Variants in NIN observed in about 807,000 individuals in gnomAD.
NIN encodes the protein glycogen synthase kinase 3 beta-interacting protein.
NIN carries 137 observed loss-of-function variants against 257.6 expected under a neutral mutation model. The ratio of observed to expected loss-of-function variants is 0.53; its 90% CI spans 0.46 to 0.61. The LOEUF is 0.61. Among genes scored for constraint, NIN ranks in the 20% least tolerant of loss-of-function variants. The pLI is 0.00. For missense variants in NIN, 2,439 were observed against 2,501.2 expected (o/e 0.98, Z 0.53); for synonymous variants, 918 against 919.8 (o/e 1.00, Z 0.04).
intron 16 of NIN, among the ~76,000 whole-genome samples, chr14:50,761,336 G>C (rs1336814403): frequency 6.6e-6 from 1 of 152,176 alleles, no homozygotes; most frequent in Non-Finnish European, 1.5e-5. Flanking sequence ...AGGACAGAGT[G>C]TGATGGACAA....
At chr14:50,749,114 T>C (rs980980179) in intron 21 of NIN, among the ~76,000 whole-genome samples, 2 of 152,140 alleles carry the variant, frequency 1.3e-5, no homozygotes, top group African/African-American at 2.4e-5. Flanking sequence ...AAAACAGATA[T>C]ATAGACCAAT....
intron 26 of NIN, among the ~76,000 whole-genome samples, chr14:50,738,778 T>C (rs1455027093): frequency 6.6e-6 from 1 of 152,196 alleles, no homozygotes; most frequent in Non-Finnish European, 1.5e-5. Flanking sequence ...TCTAACTAAA[T>C]ATCTGCGACT....
chr14:50,750,818 G>C (rs562650765), intron 21 of NIN, among the ~76,000 whole-genome samples: 3 of 152,290 alleles, frequency 2.0e-5, no homozygotes, highest in Admixed American at 6.5e-5. Flanking sequence ...CTAAGAGTCA[G>C]AGCTATACGA....
At chr14:50,807,026 T>C (rs1166755626) in intron 3 of NIN, among the ~76,000 whole-genome samples, 2 of 152,194 alleles carry the variant, frequency 1.3e-5, no homozygotes, top group Non-Finnish European at 2.9e-5. Flanking sequence ...TTCATATCGA[T>C]ATTTATTCAC....
chr14:50,741,785 G>A, intron 24 of NIN, 57 bp from the exon 25 acceptor site: 2 of 1,567,388 alleles, frequency 1.3e-6, no homozygotes, highest in East Asian at 2.2e-5. Context: ...CTCACCTCTA[G>A]CATGTTCAGG....
intron 30 of NIN, chr14:50,724,321 A>C: frequency 4.8e-6 from 1 of 209,732 alleles, no homozygotes; most frequent in Non-Finnish European, 9.7e-6. Flanking sequence ...CCATGTTACA[A>C]GTGTTCATTT....
Position 50,758,012 on chromosome 14 carries a change from G to A in NIN, c.3018C>T (p.Ala1006=), listed in dbSNP as rs750020701. The A allele has an allele frequency of 9.3e-6, 15 of 1,614,052 alleles. No homozygotes were observed. The South Asian group carries it at 9.9e-5, about 11-fold the overall frequency. Residue 1006 remains alanine, a synonymous_variant, in exon 18 of 31, where the codon GCC becomes GCT. Coordinates refer to ENST00000530997, the MANE Select transcript of NIN (RefSeq NM_020921.4). ...GTCTGGAGATTTCTGTGCTCATCTCGGCTCTTTCTCGATCTGCTGTCTCAC... is the reference window on the plus strand; with the variant it reads ...GTCTGGAGATTTCTGTGCTCATCTCAGCTCTTTCTCGATCTGCTGTCTCAC... ...ATCETADRER[A]EMSTEISRLQ... is the part of the protein sequence containing the mutation.
chr14:50,734,471 G>C (rs772087113), intron 28 of NIN, among the ~76,000 whole-genome samples: 1 of 152,048 alleles, frequency 6.6e-6, no homozygotes, highest in Non-Finnish European at 1.5e-5. Context: ...AATTTCTACA[G>C]GTTCTTCTCT....
At chr14:50,764,977 C>A (rs556130859) in intron 14 of NIN, among the ~76,000 whole-genome samples, 1 of 139,606 alleles carries the variant, frequency 7.2e-6, no homozygotes, top group Admixed American at 7.9e-5. Context: ...GTTAAGAAAA[C>A]AAGTGGATGA....
chr14:50,732,490 C>T (rs2040763866), intron 28 of NIN, among the ~76,000 whole-genome samples: 1 of 152,066 alleles, frequency 6.6e-6, no homozygotes, highest in African/African-American at 2.4e-5. Flanking sequence ...ATAGCTACAG[C>T]CGAGTGATGA....
intron 5 of NIN, among the ~76,000 whole-genome samples, chr14:50,787,268 G>C (rs1458351643): frequency 6.6e-6 from 1 of 152,066 alleles, no homozygotes; most frequent in Non-Finnish European, 1.5e-5. Flanking sequence ...AAGCAAAGTG[G>C]TCCTGCCCCA....
Position 50,753,851 on chromosome 14 carries a change from T to C in NIN, c.4734+712A>G, listed in dbSNP as rs571123132. Among the ~76,000 whole-genome samples, 6 of 152,280 alleles carry C rather than the reference T, an allele frequency of 3.9e-5. No homozygotes were observed. The East Asian group carries it at 1.2e-3, about 29-fold the overall frequency. ...GCTTATTGAATTTGCACTTCTCTAA[T>C]CACTAATAAGGCTAACCATCTTTTG... is the stretch of plus-strand genomic sequence containing the variant. On this transcript the variant is annotated intron_variant, in intron 20 of 30. Coordinates refer to ENST00000530997, the MANE Select transcript of NIN (RefSeq NM_020921.4).
At chr14:50,825,492 A>AT (rs1386297332) in intron 2 of NIN, among the ~76,000 whole-genome samples, 1 of 152,226 alleles carries the variant, frequency 6.6e-6, no homozygotes, top group Non-Finnish European at 1.5e-5. Flanking sequence ...TACTTTATGT[A>AT]TATCATCTCA....
chr14:50,781,545 G>T (rs1226444097), intron 5 of NIN, among the ~76,000 whole-genome samples: 2 of 152,104 alleles, frequency 1.3e-5, no homozygotes, highest in Non-Finnish European at 2.9e-5. Flanking sequence ...TCACTCTCTG[G>T]GACAGTACTT....
intron 18 of NIN, 59 bp from the exon 19 acceptor site, chr14:50,754,926 A>G: frequency 1.6e-6 from 2 of 1,229,052 alleles, no homozygotes; most frequent in Non-Finnish European, 2.3e-6. Context: ...TCTTTGGAAA[A>G]TATTTTCTAG....
chr14:50,761,596 G>A lies in NIN; in HGVS notation c.1896+194C>T, dbSNP rs2042276850. On this transcript the variant is annotated intron_variant, in intron 16 of 30. Coordinates refer to ENST00000530997, the MANE Select transcript of NIN (RefSeq NM_020921.4). ...TTCAAGTTCCATGATTGCCAGGGCT[G>A]AAGATATTACATTTTGGAGAAACTC... Among the ~76,000 whole-genome samples the A allele has an allele frequency of 2.0e-5, 3 of 152,214 alleles. No homozygotes were observed. The South Asian group carries it at 6.2e-4, about 32-fold the overall frequency.
At chr14:50,822,127 T>G (rs2045250503) in intron 2 of NIN, 50 bp from the exon 3 acceptor site, 1 of 1,387,310 alleles carries the variant, frequency 7.2e-7, no homozygotes, top group Non-Finnish European at 1.0e-6. Context: ...TCTCCAGTCC[T>G]ACCGTGGTCA....
chr14:50,773,815 G>A (rs1013974679), intron 7 of NIN, among the ~76,000 whole-genome samples: 3 of 152,192 alleles, frequency 2.0e-5, no homozygotes, highest in Non-Finnish European at 4.4e-5. Flanking sequence ...TCCTGTAATA[G>A]GGAAGGGGAG....
chr14:50,751,758 C>T (rs1370294331), intron 21 of NIN, among the ~76,000 whole-genome samples: 1 of 152,120 alleles, frequency 6.6e-6, no homozygotes, highest in Non-Finnish European at 1.5e-5. Flanking sequence ...AACTCCTAGG[C>T]TCAAGCTATT....
Sources: gnomAD v4.1 joint callset for allele counts (sites outside exome capture counted in the v4.1 genomes callset) on GRCh38, gnomAD v4.1.1 for gene constraint, MANE v1.5 for transcripts, NCBI Gene and HGNC (gene_info 2026-07-23, HGNC 2026-07-21) for gene names.